PTPRO: variants seen among roughly 807,000 people sequenced by gnomAD.
PTPRO encodes protein tyrosine phosphatase receptor type O, also known as receptor-type tyrosine-protein phosphatase O.
PTPRO carries 62 observed loss-of-function variants against 145.2 expected under a neutral mutation model. That is an observed-to-expected ratio of 0.43 (90% CI 0.35 to 0.53). The LOEUF is 0.53. Among genes scored for constraint, PTPRO ranks in the 20% least tolerant of loss-of-function variants. The probability of loss-of-function intolerance (pLI) is 0.01; values close to 1 mark genes in which losing one functional copy is unlikely to be tolerated. For synonymous variants in PTPRO, 565 were observed against 514.7 expected (o/e 1.10, Z -1.32); for missense variants, 1,345 against 1,482.7 (o/e 0.91, Z 1.53).
At chr12:15,440,400 C>CATAGGATTTTT (rs1180697478) in intron 1 of PTPRO, 1 of 303,178 alleles carries the variant, frequency 3.3e-6, no homozygotes, top group Non-Finnish European at 6.1e-6. Flanking sequence ...GTGGCTACAA[C>CATAGGATTTTT]ATAGGATTTT....
chr12:15,372,350 A>C (rs1209211894), intron 1 of PTPRO, among the ~76,000 whole-genome samples: 1 of 152,158 alleles, frequency 6.6e-6, no homozygotes, highest in African/African-American at 2.4e-5. Context: ...GGAACCACTT[A>C]TATGGTATCT....
At position 15,322,701 on chromosome 12, in the gene PTPRO, G is replaced by GC. The variant is rs1486643879; in HGVS notation, c.-21dup. The GC allele has an allele frequency of 1.3e-6, 2 of 1,598,934 alleles. No individual in the cohort carries two copies. The highest frequency in any genetic ancestry group is 8.5e-7 in the Non-Finnish European group (1 of 1,171,126). ...CGGGGGAGTCCGCTAGCGCAGCCGT[G>GC]CCCCCGAGTCCCCGTCCGCGCAGCG... On this transcript the variant is annotated 5_prime_UTR_variant, in exon 1 of 27. Transcript: ENST00000281171. The surrounding 1 kb of genome is among the most constrained non-coding windows in gnomAD (Gnocchi z 6.3).
intron 1 of PTPRO, among the ~76,000 whole-genome samples, chr12:15,363,344 A>T (rs898581473): frequency 6.6e-6 from 1 of 152,178 alleles, no homozygotes; most frequent in African/African-American, 2.4e-5. Context: ...TTTTTCGAAG[A>T]ACAGCTGTGC....
intron 1 of PTPRO, among the ~76,000 whole-genome samples, chr12:15,377,628 C>G (rs910055891): frequency 6.6e-6 from 1 of 151,938 alleles, no homozygotes; most frequent in African/African-American, 2.4e-5. Flanking sequence ...AAGACTTGAG[C>G]AACACTACAC....
chr12:15,443,607 G>T (rs1337359788), intron 1 of PTPRO, among the ~76,000 whole-genome samples: 2 of 152,036 alleles, frequency 1.3e-5, no homozygotes, highest in African/African-American at 2.4e-5. Flanking sequence ...CCTGACAAAG[G>T]TCTAATATCT....
chr12:15,592,754 G>C (rs1944579883), intron 25 of PTPRO, among the ~76,000 whole-genome samples: 1 of 152,206 alleles, frequency 6.6e-6, no homozygotes, highest in Admixed American at 6.5e-5. Context: ...AAGCAGACAT[G>C]ATGGGAAATA....
intron 23 of PTPRO, among the ~76,000 whole-genome samples, chr12:15,582,218 C>T (rs768517699): frequency 9.2e-5 from 14 of 152,200 alleles, no homozygotes; most frequent in Admixed American, 2.0e-4. Flanking sequence ...TGCGGTAAAC[C>T]GACAACCTTC....
intron 1 of PTPRO, among the ~76,000 whole-genome samples, chr12:15,414,117 G>A (rs764163140): frequency 8.5e-5 from 13 of 152,098 alleles, no homozygotes; most frequent in African/African-American, 2.4e-4. Context: ...TTGTCTAACC[G>A]TAAGAACCTT....
intron 1 of PTPRO, among the ~76,000 whole-genome samples, chr12:15,368,656 T>G (rs1334332822): frequency 6.6e-6 from 1 of 152,232 alleles, no homozygotes; most frequent in Non-Finnish European, 1.5e-5. Flanking sequence ...AGTTTATTCA[T>G]GAGCTCTGGA....
At chr12:15,420,397 A>G (rs1260863719) in intron 1 of PTPRO, among the ~76,000 whole-genome samples, 1 of 151,504 alleles carries the variant, frequency 6.6e-6, no homozygotes, top group African/African-American at 2.4e-5. Flanking sequence ...GTCTGAATGC[A>G]TCTCACCTGC....
At chr12:15,521,690 C>A (rs1004717618) in intron 10 of PTPRO, among the ~76,000 whole-genome samples, 3 of 152,118 alleles carry the variant, frequency 2.0e-5, no homozygotes, top group African/African-American at 4.8e-5. Context: ...GGCACTAAAG[C>A]CTACTTAGAG....
chr12:15,461,884 A>G lies in PTPRO; in HGVS notation c.76-22090A>G, dbSNP rs540174595. Among the ~76,000 whole-genome samples, 10 of 151,972 alleles carry G rather than the reference A, an allele frequency of 6.6e-5. No homozygotes were observed. The South Asian group carries it at 1.7e-3, about 25-fold the overall frequency. On this transcript the variant is annotated intron_variant, in intron 1 of 26. Coordinates refer to ENST00000281171, the MANE Select transcript of PTPRO (RefSeq NM_030667.3). Reference sequence around the variant, plus strand: ...CCTGGCCTGCTACAGCATTTTAACTAGTCTCCTGATTCCTGCTTTCTTGGT... The same window carrying G: ...CCTGGCCTGCTACAGCATTTTAACTGGTCTCCTGATTCCTGCTTTCTTGGT...
At chr12:15,524,312 T>C (rs1456239399) in intron 10 of PTPRO, among the ~76,000 whole-genome samples, 2 of 152,212 alleles carry the variant, frequency 1.3e-5, no homozygotes, top group Non-Finnish European at 2.9e-5. Flanking sequence ...ATTTGTCTTC[T>C]ATCCTGCTTG....
intron 2 of PTPRO, among the ~76,000 whole-genome samples, chr12:15,485,822 T>C (rs1156495900): frequency 6.6e-6 from 1 of 152,204 alleles, no homozygotes; most frequent in Admixed American, 6.5e-5. Flanking sequence ...GTGATGTTTT[T>C]CTTTGACCTG....
At chr12:15,486,285 T>A (rs1051528422) in intron 2 of PTPRO, among the ~76,000 whole-genome samples, 4 of 152,236 alleles carry the variant, frequency 2.6e-5, no homozygotes, top group Admixed American at 2.6e-4. Context: ...TTTGACTATA[T>A]GTAATGTCCC....
chr12:15,521,357 G>C (rs960874207), intron 10 of PTPRO, among the ~76,000 whole-genome samples: 1 of 152,102 alleles, frequency 6.6e-6, no homozygotes, highest in Non-Finnish European at 1.5e-5. Flanking sequence ...AGTAATATTA[G>C]AGCAGAAAAC....
intron 1 of PTPRO, among the ~76,000 whole-genome samples, chr12:15,461,531 A>G (rs1941301588): frequency 7.5e-6 from 1 of 133,596 alleles, no homozygotes; most frequent in Non-Finnish European, 1.6e-5. Context: ...CCCCACTGCT[A>G]TTTCCTAGTC....
At chr12:15,589,392 AG>A (rs916902953) in intron 24 of PTPRO, 62 bp from the exon 25 acceptor site, 80 of 1,490,112 alleles carry the variant, frequency 5.4e-5, no homozygotes, top group Middle Eastern at 1.8e-4. Context: ...AAAAAAAAAA[AG>A]AGGGGGGAGA....
intron 25 of PTPRO, among the ~76,000 whole-genome samples, chr12:15,589,937 T>G (rs1209996182): frequency 1.3e-5 from 2 of 152,174 alleles, no homozygotes; most frequent in Non-Finnish European, 2.9e-5. Context: ...TGAAATTTGA[T>G]TTATATTTGA....
Sources: allele counts gnomAD v4.1 joint callset (sites outside exome capture counted in the v4.1 genomes callset), GRCh38; gene constraint gnomAD v4.1.1; non-coding constraint Gnocchi (gnomAD v3.1); transcripts MANE v1.5; gene names NCBI Gene and HGNC (gene_info 2026-07-23, HGNC 2026-07-21).